ARHGEF11: variants seen among roughly 807,000 people sequenced by gnomAD.
The protein encoded by ARHGEF11 is Rho guanine nucleotide exchange factor 11.
A neutral mutation model predicts 193.7 loss-of-function variants in ARHGEF11; 55 were observed. The observed-to-expected ratio is 0.28, with a 90% CI of 0.23 to 0.36. ARHGEF11 has a LOEUF of 0.36. Among genes scored for constraint, ARHGEF11 ranks in the 10% least tolerant of loss-of-function variants. The pLI, the probability that ARHGEF11 is intolerant of heterozygous loss-of-function variation, is 1.00. For missense variants in ARHGEF11, 1,723 were observed against 2,005.6 expected (o/e 0.86, Z 2.69); for synonymous variants, 693 against 768.0 (o/e 0.90, Z 1.62).
intron 20 of ARHGEF11, 141 bp downstream of exon 20, chr1:156,955,562 G>T: frequency 1.4e-6 from 1 of 702,496 alleles, no homozygotes; most frequent in Non-Finnish European, 2.6e-6. Flanking sequence ...GATTTGGCAA[G>T]GGGAGAAAGT....
intron 40 of ARHGEF11, among the ~76,000 whole-genome samples, chr1:156,936,497 A>AAAAAAAAATAAAAAAAAATATAT (rs370282821): frequency 5.6e-4 from 19 of 33,938 alleles, no homozygotes; most frequent in African/African-American, 2.8e-3. Context: ...AAAAAAAAAA[A>AAAAAAAAATAAAAAAAAATATAT]ATATATATAT....
At chr1:156,954,029 T>C (rs1659525943) in intron 21 of ARHGEF11, among the ~76,000 whole-genome samples, 1 of 152,006 alleles carries the variant, frequency 6.6e-6, no homozygotes. Flanking sequence ...ATACTTTACA[T>C]AAAAAATAAA....
chr1:156,950,125 G>C (rs545557848), intron 22 of ARHGEF11, among the ~76,000 whole-genome samples: 1 of 152,254 alleles, frequency 6.6e-6, no homozygotes, highest in African/African-American at 2.4e-5. Context: ...GCTTCCACAG[G>C]AATCACATAA....
intron 1 of ARHGEF11, among the ~76,000 whole-genome samples, chr1:157,010,114 G>A (rs1010626128): frequency 1.3e-5 from 2 of 152,118 alleles, no homozygotes; most frequent in African/African-American, 4.8e-5. Flanking sequence ...AGGGAGGACT[G>A]CTTGAGCCTA....
intron 1 of ARHGEF11, among the ~76,000 whole-genome samples, chr1:157,005,599 T>C (rs1290650579): frequency 6.6e-6 from 1 of 152,208 alleles, no homozygotes; most frequent in African/African-American, 2.4e-5. Flanking sequence ...ATCAAAACCT[T>C]ACTTAAAACG....
intron 1 of ARHGEF11, among the ~76,000 whole-genome samples, chr1:157,021,773 A>G (rs1444962333): frequency 6.6e-6 from 1 of 152,234 alleles, no homozygotes; most frequent in Non-Finnish European, 1.5e-5. Flanking sequence ...CAAGGATCCA[A>G]TAAGACTCTA....
intron 1 of ARHGEF11, among the ~76,000 whole-genome samples, chr1:157,035,954 T>C (rs1359274223): frequency 1.1e-4 from 15 of 131,292 alleles, no homozygotes; most frequent in African/African-American, 3.6e-4. Context: ...TATAGGAATA[T>C]ATATATATGA....
At chr1:157,039,592 C>CAGGT (rs1672485136) in intron 1 of ARHGEF11, among the ~76,000 whole-genome samples, 1 of 152,166 alleles carries the variant, frequency 6.6e-6, no homozygotes, top group Non-Finnish European at 1.5e-5. Flanking sequence ...ATGCCACTAG[C>CAGGT]AGGTGTATGC....
chr1:157,040,899 C>A (rs1197979209), intron 1 of ARHGEF11, among the ~76,000 whole-genome samples: 3 of 152,140 alleles, frequency 2.0e-5, no homozygotes, highest in African/African-American at 7.2e-5. Context: ...TCAAATGACA[C>A]ACCATATAAA....
intron 37 of ARHGEF11, 139 bp from the exon 38 acceptor site, chr1:156,938,652 T>A (rs1165063663): frequency 1.5e-6 from 1 of 674,134 alleles, no homozygotes; most frequent in Non-Finnish European, 2.5e-6. Flanking sequence ...GAACACAAGA[T>A]CATACACGAT....
At chr1:157,006,779 A>G (rs1667877891) in intron 1 of ARHGEF11, among the ~76,000 whole-genome samples, 1 of 152,126 alleles carries the variant, frequency 6.6e-6, no homozygotes, top group Non-Finnish European at 1.5e-5. Context: ...TAACGATTTG[A>G]CTGGTATGTG....
intron 19 of ARHGEF11, 59 bp from the exon 20 acceptor site, chr1:156,955,858 T>C: frequency 7.6e-7 from 1 of 1,311,212 alleles, no homozygotes; most frequent in Non-Finnish European, 1.1e-6. Context: ...GCGTGGCTGC[T>C]AATCAATTCT....
intron 1 of ARHGEF11, among the ~76,000 whole-genome samples, chr1:157,032,631 A>AT (rs796636140): frequency 5.3e-5 from 8 of 150,738 alleles, no homozygotes; most frequent in African/African-American, 9.7e-5. Context: ...CAGGAGCGAC[A>AT]TTTTTTTTTT....
At chr1:156,961,400 C>A (rs1660824226) in intron 14 of ARHGEF11, among the ~76,000 whole-genome samples, 1 of 152,182 alleles carries the variant, frequency 6.6e-6, no homozygotes, top group Non-Finnish European at 1.5e-5. Flanking sequence ...GGAACCAGGG[C>A]ACTGAATGAG....
At chr1:156,945,981 T>G in intron 29 of ARHGEF11, 64 bp downstream of exon 29, 1 of 1,319,176 alleles carries the variant, frequency 7.6e-7, no homozygotes, top group Admixed American at 1.7e-5. Context: ...CACAAAGCAG[T>G]GTCAGAATGA....
intron 1 of ARHGEF11, among the ~76,000 whole-genome samples, chr1:156,989,403 C>T (rs149715530): frequency 3.9e-5 from 6 of 152,278 alleles, no homozygotes; most frequent in Non-Finnish European, 7.4e-5. Context: ...CACTCCACCA[C>T]CACAGACTAA....
At chr1:157,022,147 T>A (rs1479923792) in intron 1 of ARHGEF11, among the ~76,000 whole-genome samples, 1 of 152,212 alleles carries the variant, frequency 6.6e-6, no homozygotes, top group Non-Finnish European at 1.5e-5. Context: ...ATGGCCACTT[T>A]CACTACTTCT....
intron 11 of ARHGEF11, among the ~76,000 whole-genome samples, chr1:156,966,053 A>C (rs1219310815): frequency 2.6e-5 from 4 of 152,216 alleles, no homozygotes; most frequent in Non-Finnish European, 5.9e-5. Flanking sequence ...AGAGGGATAA[A>C]TGCTCTAAGA....
intron 1 of ARHGEF11, among the ~76,000 whole-genome samples, chr1:157,008,455 G>T (rs1184035952): frequency 6.6e-6 from 1 of 151,824 alleles, no homozygotes; most frequent in African/African-American, 2.4e-5. Context: ...TGAGCACACG[G>T]TGAGAAGGCA....
Sources: allele counts gnomAD v4.1 joint callset (sites outside exome capture counted in the v4.1 genomes callset), GRCh38; gene constraint gnomAD v4.1.1; transcripts MANE v1.5; gene names NCBI Gene and HGNC (gene_info 2026-07-23, HGNC 2026-07-21).